Variants in ZNF639 observed in about 807,000 individuals in gnomAD.
ZNF639 encodes zinc finger amplified in esophageal squamous cell carcinomas 1.
ZNF639 carries 20 observed loss-of-function variants against 39.8 expected under a neutral mutation model. The ratio of observed to expected loss-of-function variants is 0.50; its 90% CI spans 0.35 to 0.73. The LOEUF is 0.73. ZNF639 is among the 30% of genes least tolerant of loss of function. The pLI is 0.00. For synonymous variants in ZNF639, 176 were observed against 189.8 expected (o/e 0.93, Z 0.60); for missense variants, 477 against 566.2 (o/e 0.84, Z 1.60).
At chr3:179,328,391 TC>T in intron 3 of ZNF639, 40 bp downstream of exon 3, 2 of 1,358,532 alleles carry the variant, frequency 1.5e-6, no homozygotes, top group Non-Finnish European at 2.0e-6. Context: ...ATGGATTAAT[TC>T]CCACAAAATT....
At chr3:179,331,491 A>G (rs1727902356) in intron 4 of ZNF639, among the ~76,000 whole-genome samples, 1 of 152,170 alleles carries the variant, frequency 6.6e-6, no homozygotes, top group Non-Finnish European at 1.5e-5. Flanking sequence ...TAAAAGCACA[A>G]CTTTAGGCCA....
upstream of ZNF639, chr3:179,323,022 C>T (rs548167492): frequency 7.1e-6 from 7 of 985,124 alleles, no homozygotes; most frequent in South Asian, 1.9e-4. Context: ...GCCCTCTCGG[C>T]GGGCCCCTGA....
chr3:179,334,254 T>A lies in ZNF639; in HGVS notation c.1290T>A (p.Ile430=). Residue 430 remains isoleucine (I), a synonymous_variant, in exon 6 of 6, where the codon ATT becomes ATA. Coordinates refer to ENST00000496856, the MANE Select transcript of ZNF639 (RefSeq NM_001303426.2). ...TAAATTCACATTTATCTGAAGGGATTTATTTATGTCAATATTGTGAATATT... is the reference window on the plus strand; with the variant it reads ...TAAATTCACATTTATCTGAAGGGATATATTTATGTCAATATTGTGAATATT... The part of the protein sequence containing the change: ...KHLNSHLSEG[I]YLCQYCEYST... 1 of 1,612,562 alleles carries A rather than the reference T, an allele frequency of 6.2e-7. No individual in the cohort carries two copies. Among genetic ancestry groups the A allele is most frequent in the Non-Finnish European group, 8.5e-7 (1 of 1,179,172 alleles).
At position 179,333,987 on chromosome 3, in the gene ZNF639, A is replaced by G. The variant is rs149225569; in HGVS notation, c.1023A>G (p.Ala341=). 6.2e-7 allele frequency: 1 copy of G among 1,614,096 alleles called. No homozygotes were observed. The highest frequency in any genetic ancestry group is 1.3e-5 in the African/African-American group (1 of 74,944). ...ATAGCCATGTGGTAAATGAGCATGC[A>G]TGTAAATTAATAGAGTTAAGTGATA... ...DLHSHVVNEH[A]CKLIELSDKY... is the part of the protein sequence containing the mutation. Residue 341 remains alanine, a synonymous_variant, in exon 6 of 6, where the codon GCA becomes GCG. Transcript: ENST00000496856.
Position 179,333,475 on chromosome 3 carries a change from C to T in ZNF639, c.511C>T (p.Pro171Ser). The T allele has an allele frequency of 1.2e-6, 2 of 1,614,102 alleles. No individual in the cohort carries two copies. Among genetic ancestry groups the T allele is most frequent in the Non-Finnish European group, 8.5e-7 (1 of 1,180,022 alleles). ...ESLQDQTDEEPPAKLCKILDK... is the reference protein window; with the variant it reads ...ESLQDQTDEESPAKLCKILDK... Reference sequence around the variant, plus strand: ...TCTCCAAGACCAAACTGATGAAGAACCGCCAGCTAAACTTTGTAAAATTCT... The same window carrying T: ...TCTCCAAGACCAAACTGATGAAGAATCGCCAGCTAAACTTTGTAAAATTCT... Residue 171 changes from proline (P) to serine (S), a missense_variant, in exon 6 of 6, where the codon CCG becomes TCG. Transcript: ENST00000496856.
intron 1 of ZNF639, chr3:179,323,639 C>T (rs1029784392): frequency 6.5e-6 from 1 of 152,982 alleles, no homozygotes; most frequent in Non-Finnish European, 1.5e-5. Context: ...GGGACTTCTG[C>T]CCTGCGCCTC....
intron 4 of ZNF639, among the ~76,000 whole-genome samples, chr3:179,331,390 A>G (rs1727895674): frequency 1.3e-5 from 2 of 151,870 alleles, no homozygotes; most frequent in African/African-American, 2.4e-5. Context: ...TTATGTAGCT[A>G]CTCCTCCCTC....
Position 179,335,774 on chromosome 3 carries a change from CTTTTTTTT to C in ZNF639, c.*1362_*1369del, listed in dbSNP as rs35673654. The C allele has an allele frequency of 7.8e-6, 1 of 128,614 alleles. No individual in the cohort carries two copies. The highest frequency in any genetic ancestry group is 1.6e-5 in the Non-Finnish European group (1 of 61,836). The allele number at this position is 128,614 out of a possible 1,614,324, so 8.0% of individuals were successfully genotyped here. On this transcript the variant is annotated 3_prime_UTR_variant, in exon 6 of 6. Coordinates refer to ENST00000496856, the MANE Select transcript of ZNF639 (RefSeq NM_001303426.2). Reference sequence around the variant, plus strand: ...TGCAAGTCTGTCCCCCAAATTTCCTCTTTTTTTTTTTTTTTTTGCTTTTTTAATTTTTT... The same window carrying C: ...TGCAAGTCTGTCCCCCAAATTTCCTCTTTTTTTTTGCTTTTTTAATTTTTT...
In ZNF639 at chr3:179,323,066, G is replaced by A. The variant is rs1488713925; in HGVS notation, c.-308G>A. 5 of 984,972 alleles carry A rather than the reference G, an allele frequency of 5.1e-6. No individual in the cohort carries two copies. The highest frequency in any genetic ancestry group is 1.1e-4 in the East Asian group (1 of 8,804). 61.0% of individuals were successfully genotyped at this position (984,972 alleles called of 1,614,324 possible). On this transcript the variant is annotated 5_prime_UTR_variant, in exon 1 of 6. Coordinates refer to ENST00000496856, the MANE Select transcript of ZNF639 (RefSeq NM_001303426.2). ...GCGCAGGCGCGGAGCGTGGCGGCCA[G>A]GGCAGTGCGGCCGCGGAGCCTAGGC...
chr3:179,323,333 C>G (rs2108488057), intron 1 of ZNF639, 42 bp downstream of exon 1: 1 of 985,762 alleles, frequency 1.0e-6, no homozygotes, highest in East Asian at 1.1e-4. Context: ...CGCTGGACTG[C>G]TCCAGGGGAC....
At chr3:179,332,844 A>G (rs1727989116) in intron 4 of ZNF639, 145 bp from the exon 5 acceptor site, 2 of 1,165,320 alleles carry the variant, frequency 1.7e-6, no homozygotes, top group South Asian at 3.8e-5. Flanking sequence ...TCTGAGGTAT[A>G]TAGATAACTT....
rs1225450642 is a variant in ZNF639, at chr3:179,327,556, T to TAA, written c.-82-4_-82-3insAA. On this transcript the variant is annotated splice_polypyrimidine_tract_variant and splice_region_variant and intron_variant, in intron 1 of 5. Transcript: ENST00000496856. The stretch of plus-strand genomic sequence containing the variant: ...TTAATAACTTCTTTCATGTTTTACT[T>TAA]ACAGGCATTTTTTACTGTCTACAGA... 1 of 152,266 alleles carries TAA rather than the reference T, an allele frequency of 6.6e-6. No individual in the cohort carries two copies. Among genetic ancestry groups the TAA allele is most frequent in the African/African-American group, 2.4e-5 (1 of 41,472 alleles). 9.4% of individuals were successfully genotyped at this position (152,266 alleles called of 1,614,324 possible).
At position 179,333,275 on chromosome 3, in the gene ZNF639, C is replaced by A; in HGVS notation, c.311C>A (p.Ser104Tyr). Reference sequence around the variant, plus strand: ...GGTTTGTTTTATTCTTCAGAAAAATCTGCTGATATTGTAATTTGTGATGAA... The same window carrying A: ...GGTTTGTTTTATTCTTCAGAAAAATATGCTGATATTGTAATTTGTGATGAA... The part of the protein sequence containing the change: ...LDHTAFSTEK[S>Y]ADIVICDEEC... The change falls in exon 6 of 6, where the codon TCT (serine) becomes TAT (tyrosine). Residue 104 changes from serine (S) to tyrosine (Y), a missense_variant. Coordinates refer to ENST00000496856, the MANE Select transcript of ZNF639 (RefSeq NM_001303426.2). 3 of 1,598,208 alleles carry A rather than the reference C, an allele frequency of 1.9e-6. No homozygotes were observed. The South Asian group carries it at 3.4e-5, about 18-fold the overall frequency.
chr3:179,329,958 G>A (rs921462963), intron 4 of ZNF639: 1 of 258,148 alleles, frequency 3.9e-6, no homozygotes, highest in Admixed American at 5.6e-5. Flanking sequence ...TGTCGCCCAG[G>A]CTGGAGTGCA....
Position 179,337,495 on chromosome 3 carries a change from C to T in ZNF639, c.*3073C>T, listed in dbSNP as rs541852910. On this transcript the variant is annotated 3_prime_UTR_variant, in exon 6 of 6. Transcript: ENST00000496856. ...GGGATTATAGGCGTGTGCCACCACA[C>T]CCGGCTAATTTTTGTGTTTTTAATA... 2 of 151,378 alleles carry T rather than the reference C, an allele frequency of 1.3e-5. No individual in the cohort carries two copies. The highest frequency in any genetic ancestry group is 2.9e-5 in the Non-Finnish European group (2 of 67,912). 9.4% of individuals were successfully genotyped at this position (151,378 alleles called of 1,614,324 possible).
chr3:179,326,495 G>A (rs1727599797), intron 1 of ZNF639, among the ~76,000 whole-genome samples: 1 of 152,142 alleles, frequency 6.6e-6, no homozygotes, highest in East Asian at 1.9e-4. Context: ...ATTTTGAGAG[G>A]GTGATGTGAA....
At position 179,334,329 on chromosome 3, in the gene ZNF639, A is replaced by G. The variant is rs781089248; in HGVS notation, c.1365A>G (p.Ser455=). ...AAATTCATCTAGATTTCAAGCATTC[A>G]GCTGACTTGCCTCATAAATGTAGTG... The part of the protein sequence containing the change: ...DLKIHLDFKH[S]ADLPHKCSDC... The change falls in exon 6 of 6, where the codon TCA becomes TCG. Residue 455 remains serine, a synonymous_variant. Transcript: ENST00000496856. 8 of 1,612,732 alleles carry G rather than the reference A, an allele frequency of 5.0e-6. No homozygotes were observed. The highest frequency in any genetic ancestry group is 6.8e-6 in the Non-Finnish European group (8 of 1,179,548).
upstream of ZNF639, chr3:179,322,883 G>A: frequency 1.0e-6 from 1 of 985,304 alleles, no homozygotes; most frequent in Non-Finnish European, 1.2e-6. Context: ...GGCGGCGCAA[G>A]GCCTCCGGCA....
rs1711603237 is a variant in ZNF639 at position 179,337,934 on chromosome 3, T to G, written c.*3512T>G. Reference sequence around the variant, plus strand: ...GGTGCCCACCACCACACCCAGCTAATTTTTCTATTTTTAGTAGAGATGGGG... The same window carrying G: ...GGTGCCCACCACCACACCCAGCTAAGTTTTCTATTTTTAGTAGAGATGGGG... On this transcript the variant is annotated 3_prime_UTR_variant, in exon 6 of 6. Coordinates refer to ENST00000496856, the MANE Select transcript of ZNF639 (RefSeq NM_001303426.2). 1 of 151,872 alleles carries G rather than the reference T, an allele frequency of 6.6e-6. No homozygotes were observed. The highest frequency in any genetic ancestry group is 6.6e-5 in the Admixed American group (1 of 15,220). 9.4% of individuals were successfully genotyped at this position (151,872 alleles called of 1,614,324 possible). A position where few individuals can be genotyped will look rare whatever the true frequency, so the allele number is the denominator to read the frequency against.
Sources: allele counts gnomAD v4.1 joint callset (sites outside exome capture counted in the v4.1 genomes callset), GRCh38; gene constraint gnomAD v4.1.1; transcripts MANE v1.5; gene names NCBI Gene and HGNC (gene_info 2026-07-23, HGNC 2026-07-21).